Variants in BMPR1B observed in about 807,000 individuals in gnomAD.
The protein encoded by BMPR1B is bone morphogenetic protein receptor type 1B.
In BMPR1B, 12 loss-of-function variants were observed where a neutral mutation model predicts 59.1. The ratio of observed to expected loss-of-function variants is 0.20; its 90% CI spans 0.13 to 0.33. The LOEUF is 0.33. Ranked by LOEUF, BMPR1B falls within the 10% of genes least tolerant of loss-of-function variation. The pLI is 1.00. For synonymous variants in BMPR1B, 237 were observed against 207.3 expected (o/e 1.14, Z -1.23); for missense variants, 550 against 610.9 (o/e 0.90, Z 1.05).
chr4:94,920,635 A>G (rs2149024003), intron 2 of BMPR1B, among the ~76,000 whole-genome samples: 1 of 152,296 alleles, frequency 6.6e-6, no homozygotes, highest in African/African-American at 2.4e-5. Flanking sequence ...AGCGAGTACT[A>G]AAAAAAGTCC....
chr4:95,081,251 A>G lies in BMPR1B; in HGVS notation c.-17-23157A>G, dbSNP rs562682457. Among the ~76,000 whole-genome samples, 3 of 152,278 alleles carry G rather than the reference A, an allele frequency of 2.0e-5. No homozygotes were observed. In the East Asian group the frequency reaches 5.8e-4, roughly 29 times the overall value. On this transcript the variant is annotated intron_variant, in intron 3 of 12. Coordinates refer to ENST00000515059, the MANE Select transcript of BMPR1B (RefSeq NM_001203.3). The stretch of plus-strand genomic sequence containing the variant: ...TGAGTCAGTTAAACCTCTTTCCTTT[A>G]TAAATTACCCAGTCTCTGGTATGTC...
At chr4:95,136,145 C>T (rs1420866839) in intron 10 of BMPR1B, among the ~76,000 whole-genome samples, 1 of 150,860 alleles carries the variant, frequency 6.6e-6, no homozygotes, top group Non-Finnish European at 1.5e-5. Flanking sequence ...CTTTGCTAGG[C>T]AATAATTAAT....
intron 1 of BMPR1B, among the ~76,000 whole-genome samples, chr4:94,805,834 A>G (rs1560493732): frequency 6.6e-6 from 1 of 152,140 alleles, no homozygotes. Flanking sequence ...TGAAATTTCC[A>G]TATCCTAACA....
At chr4:94,798,156 T>C (rs1723266393) in intron 1 of BMPR1B, among the ~76,000 whole-genome samples, 1 of 152,238 alleles carries the variant, frequency 6.6e-6, no homozygotes, top group African/African-American at 2.4e-5. Context: ...AGAGGTAAGA[T>C]TTAAACCCAG....
intron 2 of BMPR1B, among the ~76,000 whole-genome samples, chr4:94,975,370 T>TTTG (rs1286219758): frequency 1.4e-5 from 2 of 144,902 alleles, no homozygotes; most frequent in Non-Finnish European, 3.0e-5. Flanking sequence ...TTTGTTTTTT[T>TTTG]TTTTTTTTTT....
At chr4:94,842,556 G>A (rs904620788) in intron 1 of BMPR1B, among the ~76,000 whole-genome samples, 9 of 152,054 alleles carry the variant, frequency 5.9e-5, no homozygotes, top group South Asian at 2.1e-4. Flanking sequence ...AACATCTGAG[G>A]ATACTTTTTT....
chr4:95,050,438 GTTGA>G (rs907746615), intron 3 of BMPR1B, among the ~76,000 whole-genome samples: 17 of 152,130 alleles, frequency 1.1e-4, no homozygotes, highest in Non-Finnish European at 2.2e-4. Context: ...AATTGAGGGT[GTTGA>G]TTGATTGTAG....
rs889641924 is a variant in BMPR1B, at chr4:95,013,107, TA to T, written c.-18+16983del. On this transcript the variant is annotated intron_variant, in intron 3 of 12. Transcript: ENST00000515059. Reference sequence around the variant, plus strand: ...CTCATTAAATAACTAGTTTTTCAAATAAAAAAAAAAGTTATGTGCCCTTTAG... The same window carrying T: ...CTCATTAAATAACTAGTTTTTCAAATAAAAAAAAAGTTATGTGCCCTTTAG... Among the ~76,000 whole-genome samples, 417 of 147,090 alleles carry T rather than the reference TA, an allele frequency of 2.8e-3. 1 individual carries two copies. The highest frequency in any genetic ancestry group is 0.018 in the Middle Eastern group (5 of 284).
chr4:94,949,697 G>C (rs2149052883), intron 2 of BMPR1B, among the ~76,000 whole-genome samples: 1 of 152,116 alleles, frequency 6.6e-6, no homozygotes. Context: ...TCATTGATGG[G>C]CATTTGGGTT....
Position 94,981,901 on chromosome 4 carries a change from A to C in BMPR1B, c.-112-14139A>C, listed in dbSNP as rs886209556. Among the ~76,000 whole-genome samples the C allele has an allele frequency of 1.2e-4, 18 of 152,344 alleles. No homozygotes were observed. The South Asian group carries it at 1.2e-3, about 11-fold the overall frequency. ...CTGTAGCTGGTGAACTCTTACCAGAATTACATGCTGCAAAATGATATGCCC... is the reference window on the plus strand; with the variant it reads ...CTGTAGCTGGTGAACTCTTACCAGACTTACATGCTGCAAAATGATATGCCC... On this transcript the variant is annotated intron_variant, in intron 2 of 12. Transcript: ENST00000515059.
intron 2 of BMPR1B, among the ~76,000 whole-genome samples, chr4:94,968,273 T>A (rs139107730): frequency 1.6e-3 from 241 of 152,258 alleles, no homozygotes; most frequent in African/African-American, 5.4e-3. Flanking sequence ...CCTCACTCTT[T>A]ATGGCAAGAT....
At chr4:94,980,364 C>A (rs1049343120) in intron 2 of BMPR1B, among the ~76,000 whole-genome samples, 1 of 152,122 alleles carries the variant, frequency 6.6e-6, no homozygotes, top group African/African-American at 2.4e-5. Context: ...AACCACTCAC[C>A]CTCTGGTAAA....
At chr4:94,962,238 T>C (rs970774588) in intron 2 of BMPR1B, among the ~76,000 whole-genome samples, 28 of 151,648 alleles carry the variant, frequency 1.8e-4, no homozygotes, top group Non-Finnish European at 2.8e-4. Context: ...CCCAGGTTCA[T>C]GCGATTCTCT....
At chr4:95,137,804 G>T (rs1733911301) in intron 10 of BMPR1B, among the ~76,000 whole-genome samples, 1 of 152,072 alleles carries the variant, frequency 6.6e-6, no homozygotes, top group Non-Finnish European at 1.5e-5. Flanking sequence ...GTGTGTCTCT[G>T]CACATGAGAT....
intron 3 of BMPR1B, among the ~76,000 whole-genome samples, chr4:95,012,722 A>G (rs1451882631): frequency 6.6e-6 from 1 of 152,184 alleles, no homozygotes; most frequent in African/African-American, 2.4e-5. Flanking sequence ...AGCATTTACA[A>G]CTTCATTGTG....
intron 3 of BMPR1B, among the ~76,000 whole-genome samples, chr4:95,087,841 T>C (rs1394785475): frequency 6.6e-6 from 1 of 152,190 alleles, no homozygotes; most frequent in African/African-American, 2.4e-5. Context: ...TTTTGCTCAG[T>C]GACAGATAAA....
At position 95,104,399 on chromosome 4, in the gene BMPR1B, T is replaced by C; in HGVS notation, c.-17-9T>C. The C allele has an allele frequency of 4.3e-6, 7 of 1,612,692 alleles. No individual in the cohort carries two copies. The highest frequency in any genetic ancestry group is 5.9e-6 in the Non-Finnish European group (7 of 1,179,196). On this transcript the variant is annotated splice_polypyrimidine_tract_variant and intron_variant, in intron 3 of 12. Coordinates refer to ENST00000515059, the MANE Select transcript of BMPR1B (RefSeq NM_001203.3). ...ACAGATGCCTAACTCTCACTATTTC[T>C]TCTTTCAGCAAACTTCCTTGATAAC... is the stretch of plus-strand genomic sequence containing the variant.
intron 2 of BMPR1B, among the ~76,000 whole-genome samples, chr4:94,909,056 C>T (rs908084810): frequency 2.6e-5 from 4 of 152,036 alleles, no homozygotes; most frequent in Non-Finnish European, 5.9e-5. Flanking sequence ...CTGGTGATCA[C>T]TGGTGGTGTT....
At chr4:94,802,143 T>C (rs754410059) in intron 1 of BMPR1B, among the ~76,000 whole-genome samples, 1 of 152,222 alleles carries the variant, frequency 6.6e-6, no homozygotes, top group African/African-American at 2.4e-5. Flanking sequence ...ACCACCGTTG[T>C]GGTGAAAGAC....
Sources: gnomAD v4.1 joint callset for allele counts (sites outside exome capture counted in the v4.1 genomes callset) on GRCh38, gnomAD v4.1.1 for gene constraint, MANE v1.5 for transcripts, NCBI Gene and HGNC (gene_info 2026-07-23, HGNC 2026-07-21) for gene names.